The following NLGN1 variants were observed in gnomAD, a reference collection of about 807,000 sequenced individuals.
The protein encoded by NLGN1 is neuroligin-1.
NLGN1 carries 12 observed loss-of-function variants against 65.5 expected under a neutral mutation model. The ratio of observed to expected loss-of-function variants is 0.18; its 90% CI spans 0.12 to 0.30. The LOEUF (loss-of-function observed/expected upper bound fraction) is 0.30. Ranked by LOEUF, NLGN1 falls within the 10% of genes least tolerant of loss-of-function variation. NLGN1 has a pLI of 1.00. For synonymous variants in NLGN1, 350 were observed against 359.5 expected, an observed-to-expected ratio of 0.97 and a Z score of 0.30; for missense variants, 750 against 1,007.1, an observed-to-expected ratio of 0.74 and a Z score of 3.46.
At chr3:173,743,071 A>T (rs1423505956) in intron 3 of NLGN1, among the ~76,000 whole-genome samples, 1 of 152,116 alleles carries the variant, frequency 6.6e-6, no homozygotes, top group Admixed American at 6.6e-5. Context: ...TTTCCTCAAT[A>T]TGCTGAGGCT....
chr3:174,273,350 G>A (rs1263858782), intron 4 of NLGN1, among the ~76,000 whole-genome samples: 2 of 151,036 alleles, frequency 1.3e-5, no homozygotes, highest in African/African-American at 4.8e-5. Flanking sequence ...TCTATCTAAT[G>A]TACAGTAATG....
At chr3:173,534,972 A>G (rs1737197669) in intron 2 of NLGN1, among the ~76,000 whole-genome samples, 1 of 152,238 alleles carries the variant, frequency 6.6e-6, no homozygotes, top group Non-Finnish European at 1.5e-5. Flanking sequence ...TGTTCTTTGC[A>G]AACACTGAAG....
chr3:173,925,648 C>G (rs951777318), intron 4 of NLGN1, among the ~76,000 whole-genome samples: 1 of 152,108 alleles, frequency 6.6e-6, no homozygotes, highest in African/African-American at 2.4e-5. Flanking sequence ...AGAGCAAAGG[C>G]CAGGGAGCCT....
At chr3:173,977,513 C>T (rs1231061553) in intron 4 of NLGN1, among the ~76,000 whole-genome samples, 1 of 151,770 alleles carries the variant, frequency 6.6e-6, no homozygotes, top group East Asian at 1.9e-4. Flanking sequence ...TTTCTTAAGC[C>T]CCAAAGAAAA....
chr3:173,543,984 A>G (rs1739325583), intron 2 of NLGN1, among the ~76,000 whole-genome samples: 1 of 152,154 alleles, frequency 6.6e-6, no homozygotes, highest in Non-Finnish European at 1.5e-5. Flanking sequence ...TAAGTGATAT[A>G]TAGAAGCCAG....
chr3:174,209,320 T>C (rs550861725), intron 4 of NLGN1, among the ~76,000 whole-genome samples: 1 of 152,340 alleles, frequency 6.6e-6, no homozygotes, highest in East Asian at 1.9e-4. Flanking sequence ...ACTCTGCTTC[T>C]TTCTTATTGT....
intron 3 of NLGN1, among the ~76,000 whole-genome samples, chr3:173,726,699 T>C (rs367966074): frequency 9.2e-5 from 14 of 152,272 alleles, no homozygotes; most frequent in South Asian, 2.1e-4. Flanking sequence ...ATATCTACTT[T>C]TGTTCATCAA....
intron 4 of NLGN1, among the ~76,000 whole-genome samples, chr3:173,938,893 C>T (rs538742660): frequency 6.6e-6 from 1 of 152,252 alleles, no homozygotes; most frequent in African/African-American, 2.4e-5. Flanking sequence ...CTATAGCCCA[C>T]ACAACATTCT....
chr3:173,904,037 A>G (rs1737877229), intron 4 of NLGN1, among the ~76,000 whole-genome samples: 1 of 152,048 alleles, frequency 6.6e-6, no homozygotes, highest in South Asian at 2.1e-4. Context: ...AAGGACTTTT[A>G]TATTACAGTA....
At chr3:174,070,441 C>T (rs528416539) in intron 4 of NLGN1, among the ~76,000 whole-genome samples, 2 of 151,816 alleles carry the variant, frequency 1.3e-5, no homozygotes, top group African/African-American at 4.8e-5. Flanking sequence ...AAGTGATTCT[C>T]CTGCCTCAGC....
At chr3:174,208,568 T>C (rs2152786514) in intron 4 of NLGN1, among the ~76,000 whole-genome samples, 1 of 151,956 alleles carries the variant, frequency 6.6e-6, no homozygotes, top group African/African-American at 2.4e-5. Flanking sequence ...TACTGGTGCA[T>C]AGCTGGCCTA....
chr3:174,011,748 T>C (rs1462838312), intron 4 of NLGN1, among the ~76,000 whole-genome samples: 1 of 152,108 alleles, frequency 6.6e-6, no homozygotes, highest in Non-Finnish European at 1.5e-5. Context: ...AAAGGTGAAA[T>C]AAAACATTTT....
chr3:173,858,878 C>T (rs1378801645), intron 4 of NLGN1, among the ~76,000 whole-genome samples: 3 of 151,982 alleles, frequency 2.0e-5, no homozygotes, highest in Non-Finnish European at 2.9e-5. Flanking sequence ...ATCATTTACT[C>T]GTCTCTTCAC....
chr3:174,278,023 T>C (rs1302292939), intron 5 of NLGN1, among the ~76,000 whole-genome samples: 1 of 152,008 alleles, frequency 6.6e-6, no homozygotes, highest in African/African-American at 2.4e-5. Context: ...TTGAATGACA[T>C]GCAGCACTTA....
intron 3 of NLGN1, among the ~76,000 whole-genome samples, chr3:173,772,955 C>G (rs1779795659): frequency 6.6e-6 from 1 of 152,290 alleles, no homozygotes; most frequent in East Asian, 1.9e-4. Context: ...GCAATCTTCC[C>G]CTGGCAGAAG....
At chr3:174,165,263 C>G in intron 4 of NLGN1, among the ~76,000 whole-genome samples, 1 of 152,034 alleles carries the variant, frequency 6.6e-6, no homozygotes, top group East Asian at 1.9e-4. Flanking sequence ...GAATGGACAT[C>G]CTTGTCTTGT....
At chr3:174,054,244 T>C (rs1046744521) in intron 4 of NLGN1, among the ~76,000 whole-genome samples, 7 of 152,126 alleles carry the variant, frequency 4.6e-5, no homozygotes, top group South Asian at 2.1e-4. Context: ...TAAAACAAAA[T>C]GGTAAATGGA....
chr3:173,601,077 G>T (rs1750456888), intron 2 of NLGN1, among the ~76,000 whole-genome samples: 1 of 151,912 alleles, frequency 6.6e-6, no homozygotes, highest in South Asian at 2.1e-4. Context: ...TCAAAAAGAG[G>T]AATAATGGGG....
At chr3:173,579,946 A>AT (rs1746128197) in intron 2 of NLGN1, among the ~76,000 whole-genome samples, 1 of 152,098 alleles carries the variant, frequency 6.6e-6, no homozygotes, top group South Asian at 2.1e-4. Flanking sequence ...TATTTTTAAA[A>AT]AATTGTTGTG....
Sources: allele counts gnomAD v4.1 joint callset (sites outside exome capture counted in the v4.1 genomes callset), GRCh38; gene constraint gnomAD v4.1.1; transcripts MANE v1.5; gene names NCBI Gene and HGNC (gene_info 2026-07-23, HGNC 2026-07-21).